The following SLIT3 variants were observed in gnomAD, a reference collection of about 807,000 sequenced individuals.
SLIT3 encodes the protein slit homolog 3 protein.
A neutral mutation model predicts 184.0 loss-of-function variants in SLIT3; 68 were observed. The observed-to-expected ratio is 0.37, with a 90% CI of 0.30 to 0.45. The LOEUF is 0.45. SLIT3 is among the 20% of genes least tolerant of loss of function. SLIT3 has a pLI of 1.00. For synonymous variants in SLIT3, 831 were observed against 828.6 expected (o/e 1.00, Z -0.05); for missense variants, 1,707 against 2,026.0 (o/e 0.84, Z 3.02).
At chr5:169,200,206 T>C (rs1208608200) in intron 3 of SLIT3, among the ~76,000 whole-genome samples, 1 of 152,214 alleles carries the variant, frequency 6.6e-6, no homozygotes, top group Non-Finnish European at 1.5e-5. Flanking sequence ...CATGGCCCAC[T>C]GCACATCAAA....
chr5:169,084,454 A>ATTTTTTTTTTTTTTTTTT (rs56062027), intron 4 of SLIT3, among the ~76,000 whole-genome samples: 4 of 101,420 alleles, frequency 3.9e-5, no homozygotes, highest in African/African-American at 3.9e-5. Flanking sequence ...CCATGCCCAG[A>ATTTTTTTTTTTTTTTTTT]TTTTTTTTTT....
intron 4 of SLIT3, among the ~76,000 whole-genome samples, chr5:169,135,392 G>C (rs1237392351): frequency 2.0e-5 from 3 of 151,690 alleles, no homozygotes; most frequent in African/African-American, 7.3e-5. Context: ...GATTACATAC[G>C]TGAGCCACCA....
chr5:168,780,148 G>A (rs568066425), intron 12 of SLIT3, among the ~76,000 whole-genome samples: 8 of 152,360 alleles, frequency 5.3e-5, no homozygotes, highest in South Asian at 2.1e-4. Flanking sequence ...TTCTGGTGGC[G>A]TCCACACTTG....
At chr5:168,972,335 A>C (rs1754602342) in intron 4 of SLIT3, among the ~76,000 whole-genome samples, 1 of 38,836 alleles carries the variant, frequency 2.6e-5, no homozygotes, top group Non-Finnish European at 4.4e-5. Context: ...CTGCAGGACA[A>C]CATGTGTGTG....
chr5:168,839,821 C>G (rs1673512091), intron 6 of SLIT3, among the ~76,000 whole-genome samples: 1 of 152,124 alleles, frequency 6.6e-6, no homozygotes, highest in African/African-American at 2.4e-5. Flanking sequence ...ATATAGGTGC[C>G]CAATGCGGAC....
intron 4 of SLIT3, among the ~76,000 whole-genome samples, chr5:169,115,026 T>A (rs1301022407): frequency 1.3e-5 from 2 of 152,182 alleles, no homozygotes; most frequent in Admixed American, 6.5e-5. Flanking sequence ...AGAATGTACA[T>A]ATTTCCAGGG....
intron 4 of SLIT3, among the ~76,000 whole-genome samples, chr5:169,042,973 G>T (rs7717558): frequency 0.39 from 59,052 of 152,064 alleles, 13,759 homozygotes; most frequent in African/African-American, 0.65. Flanking sequence ...GGTGTTTACT[G>T]GCAACATTTT....
chr5:169,215,910 C>G (rs1401224470), intron 3 of SLIT3, among the ~76,000 whole-genome samples: 2 of 152,186 alleles, frequency 1.3e-5, no homozygotes, highest in East Asian at 1.9e-4. Flanking sequence ...GAGTACCACT[C>G]TTTTAAACAT....
chr5:169,073,696 T>C (rs1350235483), intron 4 of SLIT3, among the ~76,000 whole-genome samples: 1 of 151,836 alleles, frequency 6.6e-6, no homozygotes, highest in Non-Finnish European at 1.5e-5. Flanking sequence ...GAGCTGGCGG[T>C]TTAAAAGAGC....
At chr5:169,247,007 G>C (rs564945323) in intron 2 of SLIT3, among the ~76,000 whole-genome samples, 1 of 147,820 alleles carries the variant, frequency 6.8e-6, no homozygotes, top group East Asian at 2.0e-4. Flanking sequence ...CAGGCAGGCA[G>C]ATCACGAGGT....
In SLIT3 at chr5:169,300,528, CG is replaced by C. The variant is rs1209550965; in HGVS notation, c.181del (p.Arg61AlafsTer48). 4.6e-6 allele frequency: 7 copies of C among 1,505,926 alleles called. No individual in the cohort carries two copies. Among genetic ancestry groups the C allele is most frequent in the Admixed American group, 2.1e-5 (1 of 47,368 alleles). The allele number at this position is 1,505,926 out of a possible 1,614,324, so 93.3% of individuals were successfully genotyped here. A position where few individuals can be genotyped will look rare whatever the true frequency, so the allele number is the denominator to read the frequency against. On this transcript the variant is annotated frameshift_variant, in exon 1 of 36. Coordinates refer to ENST00000519560, the MANE Select transcript of SLIT3 (RefSeq NM_003062.4). LOFTEE classifies it high-confidence loss of function. This position sits in a 1 kb window ranked among gnomAD's most constrained non-coding sequence, Gnocchi z 4.1. ...GGGTACTCACAGGCGCTCAGCGTTG[CG>C]GGGGATGCCCCGAGGAACCGCGCGG... ...GLRAVPRGIP[R>X]NAERLDLDRN...
intron 3 of SLIT3, among the ~76,000 whole-genome samples, chr5:169,234,308 G>C (rs558392920): frequency 1.3e-5 from 2 of 152,160 alleles, no homozygotes; most frequent in African/African-American, 4.8e-5. Flanking sequence ...CAGAATTCCA[G>C]ACGCAGTCAC....
intron 23 of SLIT3, among the ~76,000 whole-genome samples, chr5:168,719,770 A>C (rs1437958918): frequency 6.6e-6 from 1 of 152,200 alleles, no homozygotes; most frequent in Non-Finnish European, 1.5e-5. Flanking sequence ...GAGAAAGGAC[A>C]TTTTTACTTT....
chr5:168,716,876 G>T (rs1195883637), intron 23 of SLIT3, among the ~76,000 whole-genome samples: 2 of 150,086 alleles, frequency 1.3e-5, no homozygotes, highest in African/African-American at 5.0e-5. Flanking sequence ...TGGGCTAGGA[G>T]CCCAGAGGTG....
At chr5:169,256,100 A>ATT (rs111929375) in intron 1 of SLIT3, among the ~76,000 whole-genome samples, 5 of 148,776 alleles carry the variant, frequency 3.4e-5, no homozygotes, top group Non-Finnish European at 7.5e-5. Context: ...TAGGTATACT[A>ATT]TTTTTTTTTT....
At chr5:168,868,747 C>CAAAAAAA (rs375837097) in intron 5 of SLIT3, among the ~76,000 whole-genome samples, 1,910 of 68,808 alleles carry the variant, frequency 0.028, 31 homozygotes, top group African/African-American at 0.053. Flanking sequence ...GAATCTGCCT[C>CAAAAAAA]AAAAAAAAAA....
intron 29 of SLIT3, among the ~76,000 whole-genome samples, chr5:168,691,840 C>T (rs1761918640): frequency 6.6e-6 from 1 of 152,106 alleles, no homozygotes; most frequent in African/African-American, 2.4e-5. Context: ...GTCAGAAAAC[C>T]CCCAGTCTCA....
intron 3 of SLIT3, among the ~76,000 whole-genome samples, chr5:169,223,793 T>C (rs748196157): frequency 6.6e-6 from 1 of 152,224 alleles, no homozygotes; most frequent in African/African-American, 2.4e-5. Context: ...ATTGCTTTTT[T>C]TTTCCAAGGG....
intron 5 of SLIT3, among the ~76,000 whole-genome samples, chr5:168,874,213 T>C (rs1182170295): frequency 6.6e-6 from 1 of 152,212 alleles, no homozygotes; most frequent in Admixed American, 6.5e-5. Flanking sequence ...AGATAATAAA[T>C]TGTACTGCTG....
Sources: gnomAD v4.1 joint callset for allele counts (sites outside exome capture counted in the v4.1 genomes callset) on GRCh38, gnomAD v4.1.1 for gene constraint, Gnocchi (gnomAD v3.1) non-coding constraint, MANE v1.5 for transcripts, NCBI Gene and HGNC (gene_info 2026-07-23, HGNC 2026-07-21) for gene names.